Variants in B3GALT1 observed in about 807,000 individuals in gnomAD.
The protein encoded by B3GALT1 is UDP-Gal:betaGlcNAc beta 1,3-galactosyltransferase, polypeptide 1.
Under a neutral mutation model 23.2 loss-of-function variants are expected in B3GALT1, and 10 were observed. The observed-to-expected ratio is 0.43, with a 90% confidence interval of 0.27 to 0.73. The LOEUF is 0.73. Ranked by LOEUF, B3GALT1 falls within the 30% of genes least tolerant of loss-of-function variation. The pLI, the probability that B3GALT1 is intolerant of heterozygous loss-of-function variation, is 0.21. For synonymous variants in B3GALT1, 156 were observed against 141.5 expected (o/e 1.10, Z -0.73); for missense variants, 299 against 405.4 (o/e 0.74, Z 2.25).
intron 2 of B3GALT1, among the ~76,000 whole-genome samples, chr2:167,538,328 CTG>C (rs1261607271): frequency 6.6e-6 from 1 of 152,114 alleles, no homozygotes; most frequent in Non-Finnish European, 1.5e-5. Context: ...AAATACATAT[CTG>C]TGTATATGCT....
chr2:167,425,646 CCA>C (rs1288844696), intron 1 of B3GALT1, among the ~76,000 whole-genome samples: 1 of 152,188 alleles, frequency 6.6e-6, no homozygotes, highest in African/African-American at 2.4e-5. Flanking sequence ...TTGTTATGCT[CCA>C]CAGTCTTTTT....
Position 167,521,276 on chromosome 2 carries a change from C to A in B3GALT1, c.-410+30999C>A, listed in dbSNP as rs376656598. On this transcript the variant is annotated intron_variant, in intron 2 of 4. Coordinates refer to ENST00000392690, the MANE Select transcript of B3GALT1 (RefSeq NM_020981.4). ...TTAGTGCCTCAAACTAGATTCTGTTCAGAGATCTTATAACAAGTGAGTGAA... is the reference window on the plus strand; with the variant it reads ...TTAGTGCCTCAAACTAGATTCTGTTAAGAGATCTTATAACAAGTGAGTGAA... 4.6e-5 allele frequency among the ~76,000 whole-genome samples: 7 copies of A among 152,044 alleles called. 1 individual carries two copies. Among genetic ancestry groups the A allele is most frequent in the Non-Finnish European group, 1.0e-4 (7 of 68,002 alleles).
intron 1 of B3GALT1, among the ~76,000 whole-genome samples, chr2:167,355,941 A>G (rs1049157012): frequency 7.2e-5 from 11 of 152,176 alleles, no homozygotes; most frequent in Non-Finnish European, 1.5e-4. Context: ...ATTTTGTTTC[A>G]ATATGGAAGA....
chr2:167,845,357 C>G (rs1048914700), intron 4 of B3GALT1, among the ~76,000 whole-genome samples: 1 of 152,176 alleles, frequency 6.6e-6, no homozygotes, highest in African/African-American at 2.4e-5. Flanking sequence ...CCCCAACCAC[C>G]TCCACCAGAA....
chr2:167,787,478 T>G (rs1688360225), intron 3 of B3GALT1, among the ~76,000 whole-genome samples: 1 of 152,200 alleles, frequency 6.6e-6, no homozygotes, highest in South Asian at 2.1e-4. Flanking sequence ...GAATAAAAAC[T>G]TTCTGGTTCT....
intron 3 of B3GALT1, chr2:167,714,617 T>C: frequency 1.2e-6 from 2 of 1,613,824 alleles, no homozygotes; most frequent in Admixed American, 3.3e-5. Flanking sequence ...TTGTTTGTTG[T>C]GAGCATTTTC....
At chr2:167,704,105 C>T (rs549811279) in intron 3 of B3GALT1, among the ~76,000 whole-genome samples, 29 of 142,014 alleles carry the variant, frequency 2.0e-4, no homozygotes, top group Non-Finnish European at 3.5e-4. Flanking sequence ...GGCGTGAACC[C>T]GGGAGGCGGA....
intron 2 of B3GALT1, among the ~76,000 whole-genome samples, chr2:167,594,809 G>A (rs1684747724): frequency 6.6e-6 from 1 of 152,098 alleles, no homozygotes; most frequent in East Asian, 1.9e-4. Context: ...GGGATGCTGA[G>A]GCAGGAGCAT....
At chr2:167,676,457 TC>T (rs1330133495) in intron 3 of B3GALT1, among the ~76,000 whole-genome samples, 1 of 150,084 alleles carries the variant, frequency 6.7e-6, no homozygotes, top group African/African-American at 2.5e-5. Flanking sequence ...TATCAACTCT[TC>T]CCATCTAACC....
At chr2:167,785,399 TA>T (rs1227283428) in intron 3 of B3GALT1, among the ~76,000 whole-genome samples, 1 of 152,142 alleles carries the variant, frequency 6.6e-6, no homozygotes, top group African/African-American at 2.4e-5. Flanking sequence ...GGAGCAGCTT[TA>T]TTCTCCTTAG....
chr2:167,620,159 G>C (rs1360053023), intron 2 of B3GALT1, among the ~76,000 whole-genome samples: 1 of 152,056 alleles, frequency 6.6e-6, no homozygotes, highest in African/African-American at 2.4e-5. Context: ...GTGTAGGAGA[G>C]AAAGAGGAAA....
intron 4 of B3GALT1, among the ~76,000 whole-genome samples, chr2:167,826,523 A>C (rs1689233225): frequency 6.6e-6 from 1 of 152,130 alleles, no homozygotes; most frequent in Non-Finnish European, 1.5e-5. Flanking sequence ...CCCTTGAAGA[A>C]ACTCAAGAAC....
At chr2:167,703,098 G>C (rs1686906501) in intron 3 of B3GALT1, among the ~76,000 whole-genome samples, 1 of 152,084 alleles carries the variant, frequency 6.6e-6, no homozygotes. Flanking sequence ...AGGTTCACTG[G>C]GTGTTTTACC....
chr2:167,482,915 T>G (rs1457126183), intron 1 of B3GALT1, among the ~76,000 whole-genome samples: 1 of 152,196 alleles, frequency 6.6e-6, no homozygotes, highest in Non-Finnish European at 1.5e-5. Context: ...TGTGCTGTAT[T>G]ATGATAATTC....
intron 3 of B3GALT1, among the ~76,000 whole-genome samples, chr2:167,700,246 A>T (rs1227038118): frequency 6.6e-6 from 1 of 152,186 alleles, no homozygotes; most frequent in Non-Finnish European, 1.5e-5. Context: ...CTTGTCTCAA[A>T]AAATAAATAA....
chr2:167,316,571 C>T lies in B3GALT1; in HGVS notation c.-511+23237C>T, dbSNP rs1209315507. ...TGAGGGCTTTCCCTCAGCCCCCATG[C>T]AGGGCAGGTTGGACACGTCCAGAGG... On this transcript the variant is annotated intron_variant, in intron 1 of 4. Coordinates refer to ENST00000392690, the MANE Select transcript of B3GALT1 (RefSeq NM_020981.4). Among the ~76,000 whole-genome samples, 3 of 152,064 alleles carry T rather than the reference C, an allele frequency of 2.0e-5. No homozygotes were observed. In the East Asian group the frequency reaches 5.8e-4, roughly 29 times the overall value.
chr2:167,465,044 G>A (rs950684316), intron 1 of B3GALT1, among the ~76,000 whole-genome samples: 1 of 152,130 alleles, frequency 6.6e-6, no homozygotes. Context: ...CTTTGGGGGT[G>A]CCTGCTACCT....
intron 1 of B3GALT1, among the ~76,000 whole-genome samples, chr2:167,444,462 C>T (rs1017903560): frequency 9.2e-5 from 14 of 152,112 alleles, no homozygotes; most frequent in Non-Finnish European, 4.4e-5. Flanking sequence ...CTCCTTGTAC[C>T]TCTGGTAGAA....
At chr2:167,721,904 ATTTTC>A (rs1375646217) in intron 3 of B3GALT1, among the ~76,000 whole-genome samples, 1 of 151,900 alleles carries the variant, frequency 6.6e-6, no homozygotes, top group Non-Finnish European at 1.5e-5. Flanking sequence ...CAGTGGCACT[ATTTTC>A]TTTTCATTTT....
Sources: allele counts gnomAD v4.1 joint callset (sites outside exome capture counted in the v4.1 genomes callset), GRCh38; gene constraint gnomAD v4.1.1; transcripts MANE v1.5; gene names NCBI Gene and HGNC (gene_info 2026-07-23, HGNC 2026-07-21).